FUBP1: variants seen among roughly 807,000 people sequenced by gnomAD.
The protein encoded by FUBP1 is far upstream element binding protein 1, also known as far upstream element-binding protein 1.
FUBP1 carries 16 observed loss-of-function variants against 94.9 expected under a neutral mutation model. The observed-to-expected ratio is 0.17, with a 90% CI of 0.11 to 0.26. The LOEUF (loss-of-function observed/expected upper bound fraction) is 0.26. Among genes scored for constraint, FUBP1 ranks in the 10% least tolerant of loss-of-function variants. The pLI, the probability that FUBP1 is intolerant of heterozygous loss-of-function variation, is 1.00. For missense variants in FUBP1, 583 were observed against 808.6 expected (o/e 0.72, Z 3.38); for synonymous variants, 279 against 254.9 (o/e 1.09, Z -0.90).
At chr1:77,964,212 C>T in intron 11 of FUBP1, 42 bp downstream of exon 11, 3 of 1,539,060 alleles carry the variant, frequency 1.9e-6, no homozygotes, top group Non-Finnish European at 2.7e-6. Context: ...TATGTCAAAA[C>T]TCACTGCTGC....
intron 1 of FUBP1, among the ~76,000 whole-genome samples, chr1:77,975,781 G>C (rs4949828): frequency 0.11 from 16,094 of 152,112 alleles, 989 homozygotes; most frequent in Admixed American, 0.19. Flanking sequence ...TAAGTGCACA[G>C]GCTGGAAACC....
chr1:77,951,553 T>C (rs1314003591), intron 18 of FUBP1, among the ~76,000 whole-genome samples: 2 of 152,182 alleles, frequency 1.3e-5, no homozygotes, highest in Non-Finnish European at 2.9e-5. Flanking sequence ...AGTTACTGGA[T>C]TTTGTTTTGA....
Position 77,972,991 on chromosome 1 carries a change from A to G in FUBP1, c.121-2976T>C, listed in dbSNP as rs76109998. ...GGCTGAGGCCAGGAGTTCAACGCTAATACAGCAAGACTCCATCTCTTAAAA... is the reference window on the plus strand; with the variant it reads ...GGCTGAGGCCAGGAGTTCAACGCTAGTACAGCAAGACTCCATCTCTTAAAA... On this transcript the variant is annotated intron_variant, in intron 1 of 19. Transcript: ENST00000370768. Among the ~76,000 whole-genome samples, 4 of 151,514 alleles carry G rather than the reference A, an allele frequency of 2.6e-5. No homozygotes were observed. In the East Asian group the frequency reaches 7.7e-4, roughly 29 times the overall value.
rs747299554 is a variant in FUBP1 at position 77,964,104 on chromosome 1, T to C, written c.999A>G (p.Gln333=). Residue 333 remains glutamine, a synonymous_variant, in exon 12 of 20, where the codon CAA becomes CAG. Coordinates refer to ENST00000370768, the MANE Select transcript of FUBP1 (RefSeq NM_003902.5). ...AQITGPPDRC[Q]HAAEIITDLL... Reference sequence around the variant, plus strand: ...GGTCTGTAATAATTTCTGCAGCATGTTGACATCGGTCTGGAGGTCCTGTTA... The same window carrying C: ...GGTCTGTAATAATTTCTGCAGCATGCTGACATCGGTCTGGAGGTCCTGTTA... 64 of 1,606,596 alleles carry C rather than the reference T, an allele frequency of 4.0e-5. No homozygotes were observed. The Admixed American group carries it at 6.7e-4, about 17-fold the overall frequency.
chr1:77,968,266 C>T, intron 2 of FUBP1, 63 bp from the exon 3 acceptor site: 1 of 881,252 alleles, frequency 1.1e-6, no homozygotes, highest in South Asian at 1.6e-5. Flanking sequence ...CCCTCCCAAA[C>T]AAGAATAAAT....
intron 16 of FUBP1, among the ~76,000 whole-genome samples, chr1:77,957,351 A>G (rs1023759503): frequency 6.6e-6 from 1 of 152,126 alleles, no homozygotes; most frequent in African/African-American, 2.4e-5. Context: ...TTTCAGCCTC[A>G]TCTCTCCCTT....
rs957479835 is a variant in FUBP1, at chr1:77,946,648, A to T, written c.*2118T>A. 1.5e-5 allele frequency: 3 copies of T among 205,652 alleles called. No homozygotes were observed. Among genetic ancestry groups the T allele is most frequent in the Non-Finnish European group, 3.0e-5 (3 of 100,268 alleles). The allele number at this position is 205,652 out of a possible 1,614,324, so 12.7% of individuals were successfully genotyped here. A position where few individuals can be genotyped will look rare whatever the true frequency, so the allele number is the denominator to read the frequency against. On this transcript the variant is annotated 3_prime_UTR_variant, in exon 20 of 20. Coordinates refer to ENST00000370768, the MANE Select transcript of FUBP1 (RefSeq NM_003902.5). The stretch of plus-strand genomic sequence containing the variant: ...AAACCTTAAATGAATCAAAATCAAC[A>T]GCCTCCAATTTGTGAATTATGATAC...
chr1:77,953,471 A>C (rs1232033624), intron 18 of FUBP1, among the ~76,000 whole-genome samples: 1 of 151,978 alleles, frequency 6.6e-6, no homozygotes, highest in Non-Finnish European at 1.5e-5. Context: ...AGCCTGGGCG[A>C]GAGTGAGACT....
intron 1 of FUBP1, among the ~76,000 whole-genome samples, chr1:77,972,165 G>T (rs527349279): frequency 5.3e-5 from 8 of 152,096 alleles, no homozygotes; most frequent in South Asian, 2.1e-4. Flanking sequence ...TCCACCCTTA[G>T]GTCTTAAAGC....
chr1:77,965,014 C>T, intron 8 of FUBP1, 46 bp from the exon 9 acceptor site: 1 of 1,586,856 alleles, frequency 6.3e-7, no homozygotes, highest in South Asian at 1.1e-5. Flanking sequence ...AGGAAGTGGA[C>T]AAAAATGGGC....
rs1230242530 is a variant in FUBP1, at chr1:77,962,812, T to C, written c.1302A>G (p.Gln434=). The C allele has an allele frequency of 1.9e-6, 3 of 1,612,814 alleles. No homozygotes were observed. Among genetic ancestry groups the C allele is most frequent in the Non-Finnish European group, 2.5e-6 (3 of 1,178,962 alleles). The part of the protein sequence containing the change: ...MKLFTIRGTP[Q]QIDYARQLIE... Reference sequence around the variant, plus strand: ...TGAGTTGCCGAGCATAGTCTATCTGTTGTGGAGTGCCACGAATTGTAAATA... The same window carrying C: ...TGAGTTGCCGAGCATAGTCTATCTGCTGTGGAGTGCCACGAATTGTAAATA... Residue 434 remains glutamine, a synonymous_variant, in exon 14 of 20, where the codon CAA becomes CAG. Coordinates refer to ENST00000370768, the MANE Select transcript of FUBP1 (RefSeq NM_003902.5).
chr1:77,964,127 T>C lies in FUBP1; in HGVS notation c.976A>G (p.Thr326Ala). ...GTTPERIAQI[T>A]GPPDRCQHAA... ...TGTTGACATCGGTCTGGAGGTCCTG[T>C]TATTTGTGCTATCCTTTCGGGTGTT... Residue 326 changes from threonine to alanine, a missense_variant, in exon 12 of 20, where the codon ACA (threonine) becomes GCA (alanine). Physicochemically the swap from Thr to Ala is moderately conservative, Grantham distance 58 (BLOSUM62 0). Coordinates refer to ENST00000370768, the MANE Select transcript of FUBP1 (RefSeq NM_003902.5). The C allele has an allele frequency of 6.2e-7, 1 of 1,609,344 alleles. No homozygotes were observed. Among genetic ancestry groups the C allele is most frequent in the African/African-American group, 1.3e-5 (1 of 74,958 alleles).
At chr1:77,963,250 A>G (rs1329218961) in intron 13 of FUBP1, among the ~76,000 whole-genome samples, 1 of 152,212 alleles carries the variant, frequency 6.6e-6, no homozygotes, top group African/African-American at 2.4e-5. Context: ...TAAACATTCA[A>G]ATTTTTAAAA....
At chr1:77,964,230 T>A in intron 11 of FUBP1, 24 bp downstream of exon 11, 1 of 1,554,642 alleles carries the variant, frequency 6.4e-7, no homozygotes, top group Non-Finnish European at 8.9e-7. Context: ...TGCCAACACT[T>A]ACAAGATTAT....
In FUBP1 at chr1:77,947,744, TGTGCATTTAC is replaced by T; in HGVS notation, c.*1012_*1021del. ...ATTAAGTTGATTCAATGATTGGACTTGTGCATTTACAAAACAAAGCTTATCTATACTGCAT... is the reference window on the plus strand; with the variant it reads ...ATTAAGTTGATTCAATGATTGGACTTAAAACAAAGCTTATCTATACTGCAT... On this transcript the variant is annotated 3_prime_UTR_variant, in exon 20 of 20. Transcript: ENST00000370768. 1 of 579,510 alleles carries T rather than the reference TGTGCATTTAC, an allele frequency of 1.7e-6. No individual in the cohort carries two copies. The highest frequency in any genetic ancestry group is 2.0e-5 in the South Asian group (1 of 50,704). The allele number at this position is 579,510 out of a possible 1,614,324, so 35.9% of individuals were successfully genotyped here.
intron 13 of FUBP1, 145 bp from the exon 14 acceptor site, chr1:77,963,075 T>G: frequency 3.9e-6 from 2 of 510,284 alleles, no homozygotes; most frequent in Non-Finnish European, 6.9e-6. Flanking sequence ...AGATTTTTCA[T>G]TTAATATTCT....
intron 7 of FUBP1, among the ~76,000 whole-genome samples, chr1:77,966,002 C>T (rs761440862): frequency 6.6e-6 from 1 of 152,142 alleles, no homozygotes; most frequent in Non-Finnish European, 1.5e-5. Flanking sequence ...GGCAACAGAG[C>T]GAGACTTCGT....
chr1:77,973,674 C>A (rs1487261421), intron 1 of FUBP1, among the ~76,000 whole-genome samples: 3 of 152,142 alleles, frequency 2.0e-5, no homozygotes, highest in Admixed American at 6.5e-5. Context: ...ATTGAGGAAG[C>A]CAAGAGGTGA....
At position 77,948,640 on chromosome 1, in the gene FUBP1, AAAAGG is replaced by A; in HGVS notation, c.*121_*125del. ...TGTACATTTTCAAAAAAAAAAAAAAAAAAGGAAACACTATTTTAAACCAAAAACAA... is the reference window on the plus strand; with the variant it reads ...TGTACATTTTCAAAAAAAAAAAAAAAAAACACTATTTTAAACCAAAAACAA... On this transcript the variant is annotated 3_prime_UTR_variant, in exon 20 of 20. Transcript: ENST00000370768. 7.0e-7 allele frequency: 1 copy of A among 1,421,178 alleles called. No individual in the cohort carries two copies. Among genetic ancestry groups the A allele is most frequent in the Non-Finnish European group, 9.3e-7 (1 of 1,077,718 alleles). The allele number at this position is 1,421,178 out of a possible 1,614,324, so 88.0% of individuals were successfully genotyped here. A position where few individuals can be genotyped will look rare whatever the true frequency, so the allele number is the denominator to read the frequency against.
Sources: gnomAD v4.1 joint callset for allele counts (sites outside exome capture counted in the v4.1 genomes callset) on GRCh38, gnomAD v4.1.1 for gene constraint, MANE v1.5 for transcripts, NCBI Gene and HGNC (gene_info 2026-07-23, HGNC 2026-07-21) for gene names.